The following PDE11A variants were observed in gnomAD, a reference collection of about 807,000 sequenced individuals.
The protein encoded by PDE11A is phosphodiesterase 11A, also known as dual 3',5'-cyclic-AMP and -GMP phosphodiesterase 11A.
PDE11A carries 100 observed loss-of-function variants against 100.5 expected under a neutral mutation model. The ratio of observed to expected loss-of-function variants is 1.00; its 90% CI spans 0.85 to 1.18. PDE11A has a LOEUF of 1.18. PDE11A is among the 50% of genes most tolerant of loss of function. The pLI is 0.00. For synonymous variants in PDE11A, 381 were observed against 420.8 expected (o/e 0.91, Z 1.16); for missense variants, 1,141 against 1,152.6 (o/e 0.99, Z 0.15).
In PDE11A at chr2:178,105,191, G is replaced by A. The variant is rs188173528; in HGVS notation, c.-13-715C>T. Among the ~76,000 whole-genome samples, 4 of 152,318 alleles carry A rather than the reference G, an allele frequency of 2.6e-5. No homozygotes were observed. In the East Asian group the frequency reaches 5.8e-4, roughly 22 times the overall value. ...TAAAGACCCTACTGGGTTGGGTGCG[G>A]TGGCTCATGTCTGTAATCCCAGCAC... On this transcript the variant is annotated intron_variant, in intron 1 of 20. Coordinates refer to the PDE11A transcript ENST00000358450.
intron 2 of PDE11A, among the ~76,000 whole-genome samples, chr2:177,967,646 A>G (rs2085715760): frequency 6.6e-6 from 1 of 152,020 alleles, no homozygotes; most frequent in Non-Finnish European, 1.5e-5. Context: ...TAAGTACTGA[A>G]TAAACCTCAG....
At chr2:177,631,837 C>T (rs990974351) in intron 19 of PDE11A, among the ~76,000 whole-genome samples, 9 of 151,818 alleles carry the variant, frequency 5.9e-5, no homozygotes, top group Non-Finnish European at 1.2e-4. Context: ...CTGTTAACAC[C>T]TAACACCTCC....
intron 2 of PDE11A, among the ~76,000 whole-genome samples, chr2:177,934,373 C>T (rs1276445067): frequency 6.6e-6 from 1 of 152,100 alleles, no homozygotes; most frequent in African/African-American, 2.4e-5. Context: ...GGCCAAGAAA[C>T]ATGTAAAAAA....
At chr2:178,105,631 C>T in intron 1 of PDE11A, 1 of 489,612 alleles carries the variant, frequency 2.0e-6, no homozygotes. Flanking sequence ...AAAAATTGTA[C>T]TTTATCGATG....
chr2:177,940,677 T>C (rs146201936), intron 2 of PDE11A, among the ~76,000 whole-genome samples: 67 of 152,356 alleles, frequency 4.4e-4, no homozygotes, highest in Non-Finnish European at 8.7e-4. Flanking sequence ...TGAAGTGTGT[T>C]CTGCATGGTA....
chr2:178,013,158 C>T (rs1021670107), intron 2 of PDE11A, among the ~76,000 whole-genome samples: 7 of 152,144 alleles, frequency 4.6e-5, no homozygotes, highest in South Asian at 2.1e-4. Context: ...CTTTCCTAGG[C>T]GCCCCCAGCC....
intron 2 of PDE11A, among the ~76,000 whole-genome samples, chr2:177,906,144 CTA>C (rs2084782707): frequency 6.6e-6 from 1 of 151,018 alleles, no homozygotes; most frequent in African/African-American, 2.5e-5. Context: ...ATCATAGACT[CTA>C]TGTCTCTCTG....
chr2:177,766,974 C>A (rs1172020319), intron 10 of PDE11A, among the ~76,000 whole-genome samples: 6 of 152,128 alleles, frequency 3.9e-5, no homozygotes, highest in African/African-American at 1.4e-4. Flanking sequence ...GAAATGCATA[C>A]CAAATTCCAG....
intron 9 of PDE11A, among the ~76,000 whole-genome samples, chr2:177,814,188 C>G (rs919871769): frequency 6.6e-6 from 1 of 151,942 alleles, no homozygotes; most frequent in African/African-American, 2.4e-5. Flanking sequence ...TGGGACTAAG[C>G]AAGTTATAAA....
At chr2:177,931,795 A>G (rs1184673838) in intron 2 of PDE11A, among the ~76,000 whole-genome samples, 1 of 151,976 alleles carries the variant, frequency 6.6e-6, no homozygotes, top group East Asian at 1.9e-4. Flanking sequence ...GAAATAACTG[A>G]AGTCAGAGCT....
intron 5 of PDE11A, among the ~76,000 whole-genome samples, chr2:177,872,887 G>A (rs563737984): frequency 6.6e-6 from 1 of 152,218 alleles, no homozygotes; most frequent in Non-Finnish European, 1.5e-5. Context: ...AGATCTACAC[G>A]AGGAGAATTA....
At chr2:177,685,615 T>C (rs550437150) in intron 15 of PDE11A, among the ~76,000 whole-genome samples, 2 of 152,254 alleles carry the variant, frequency 1.3e-5, no homozygotes, top group African/African-American at 4.8e-5. Context: ...AATGTCGCGA[T>C]CTTGGCTCAC....
At chr2:177,829,738 C>T (rs1411240816) in intron 6 of PDE11A, among the ~76,000 whole-genome samples, 1 of 152,018 alleles carries the variant, frequency 6.6e-6, no homozygotes, top group Non-Finnish European at 1.5e-5. Flanking sequence ...AGGCATGAGC[C>T]ACTGTGCCCA....
At position 177,633,809 on chromosome 2, in the gene PDE11A, T is replaced by C. The variant is rs999132404; in HGVS notation, c.2647-4247A>G. 3.9e-5 allele frequency among the ~76,000 whole-genome samples: 6 copies of C among 152,200 alleles called. No individual in the cohort carries two copies. The South Asian group carries it at 8.3e-4, about 21-fold the overall frequency. The stretch of plus-strand genomic sequence containing the variant: ...CTTTTAATTAAACTGACTACTATAA[T>C]TCCTATGGAAATTAGTGTTTATGTT... On this transcript the variant is annotated intron_variant, in intron 19 of 19. Coordinates refer to ENST00000286063, the MANE Select transcript of PDE11A (RefSeq NM_016953.4).
chr2:178,072,717 C>T lies in PDE11A; in HGVS notation c.-280G>A. 7.3e-7 allele frequency: 1 copy of T among 1,375,184 alleles called. No homozygotes were observed. The highest frequency in any genetic ancestry group is 2.8e-4 in the Middle Eastern group (1 of 3,600). The allele number at this position is 1,375,184 out of a possible 1,614,324, so 85.2% of individuals were successfully genotyped here. A position where few individuals can be genotyped will look rare whatever the true frequency, so the allele number is the denominator to read the frequency against. On this transcript the variant is annotated 5_prime_UTR_variant, in exon 1 of 20. Coordinates refer to ENST00000286063, the MANE Select transcript of PDE11A (RefSeq NM_016953.4). ...CTGCCCCGGCTCCTGTTCCGGAAAC[C>T]CGAGCTATCGCTGCTCCTGTTCTGG...
intron 2 of PDE11A, among the ~76,000 whole-genome samples, chr2:177,917,927 A>T (rs2084978241): frequency 6.6e-6 from 1 of 152,234 alleles, no homozygotes; most frequent in Non-Finnish European, 1.5e-5. Flanking sequence ...ATATGCTTAG[A>T]GCATTAATAT....
chr2:178,032,688 C>G (rs1444286986), intron 1 of PDE11A, among the ~76,000 whole-genome samples: 2 of 152,184 alleles, frequency 1.3e-5, no homozygotes, highest in East Asian at 3.9e-4. Context: ...TAGAATGAAG[C>G]TTCCAGAGGA....
intron 12 of PDE11A, among the ~76,000 whole-genome samples, chr2:177,723,961 T>C (rs113679166): frequency 0.02 from 3,029 of 152,244 alleles, 43 homozygotes; most frequent in South Asian, 0.033. Flanking sequence ...TCTTTTATCA[T>C]GTATTTATAG....
At chr2:177,999,345 T>G (rs1527286) in intron 2 of PDE11A, among the ~76,000 whole-genome samples, 92,088 of 152,136 alleles carry the variant, frequency 0.61, 29,217 homozygotes, top group Admixed American at 0.71. Context: ...GAAGACTTAT[T>G]CTGATGCCTC....
Sources: allele counts gnomAD v4.1 joint callset (sites outside exome capture counted in the v4.1 genomes callset), GRCh38; gene constraint gnomAD v4.1.1; transcripts MANE v1.5; gene names NCBI Gene and HGNC (gene_info 2026-07-23, HGNC 2026-07-21).